RTL1: variants seen among roughly 807,000 people sequenced by gnomAD.
The protein encoded by RTL1 is retrotransposon-like protein 1.
For synonymous variants in RTL1, 727 were observed against 748.4 expected, an observed-to-expected ratio of 0.97 and a Z score of 0.47; for missense variants, 1,681 against 1,767.5, an observed-to-expected ratio of 0.95 and a Z score of 0.88.
In RTL1 at chr14:100,883,072, C is replaced by G. The variant is rs2038641783; in HGVS notation, c.1717G>C (p.Asp573His). The G allele has an allele frequency of 3.1e-6, 5 of 1,614,116 alleles. No individual in the cohort carries two copies. The highest frequency in any genetic ancestry group is 4.2e-6 in the Non-Finnish European group (5 of 1,180,026). ...GAGCTTGGCTGGTCGGAAGTCTCAT[C>G]ATCTGCTTCCTTCGGGTTAAACACG... is the stretch of plus-strand genomic sequence containing the variant. ...ADVFNPKEADDETSDQPSSDG... is the reference protein window; with the variant it reads ...ADVFNPKEADHETSDQPSSDG... The change falls in exon 4 of 4, where the codon GAT becomes CAT. Residue 573 changes from aspartate (D) to histidine (H), a missense_variant. Physicochemically the swap from Asp to His is moderately conservative, Grantham distance 81. Transcript: ENST00000649591. The surrounding 1 kb of genome is among the most constrained non-coding windows in gnomAD (Gnocchi z 5.9).
chr14:100,899,851 C>G (rs983104326), intron 2 of RTL1, among the ~76,000 whole-genome samples: 1 of 152,220 alleles, frequency 6.6e-6, no homozygotes, highest in Non-Finnish European at 1.5e-5. Context: ...CCATCTTACC[C>G]CGTCATGAAA....
intron 2 of RTL1, among the ~76,000 whole-genome samples, chr14:100,896,669 G>A (rs563418284): frequency 2.0e-5 from 3 of 152,068 alleles, no homozygotes; most frequent in African/African-American, 7.2e-5. Flanking sequence ...GTGGGCAAAG[G>A]TTGCTTCCCG....
At chr14:100,894,698 G>C (rs1015875671) in intron 2 of RTL1, 2 of 152,332 alleles carry the variant, frequency 1.3e-5, no homozygotes, top group African/African-American at 4.8e-5. Context: ...TGCCCTCCCA[G>C]GTGGCGTGAA....
At position 100,882,518 on chromosome 14, in the gene RTL1, G is replaced by A; in HGVS notation, c.2271C>T (p.Arg757=). 4 of 1,551,922 alleles carry A rather than the reference G, an allele frequency of 2.6e-6. No individual in the cohort carries two copies. In the East Asian group the frequency reaches 7.3e-5, roughly 28 times the overall value. Residue 757 remains arginine (R), a synonymous_variant, in exon 4 of 4, where the codon CGC becomes CGT. Transcript: ENST00000649591. The part of the protein sequence containing the change: ...HHVRQVLVRF[R]HHNVYCSLDK... ...CCAGGGAGCAGTAGACGTTGTGATG[G>A]CGGAAGCGGACCAGGACTTGGCGGA...
intron 3 of RTL1, among the ~76,000 whole-genome samples, chr14:100,892,499 T>A (rs1325880573): frequency 1.3e-5 from 2 of 152,248 alleles, no homozygotes; most frequent in African/African-American, 2.4e-5. Flanking sequence ...CGACTGTTAC[T>A]TCCAGAACAC....
chr14:100,880,714 A>C lies in RTL1; in HGVS notation c.4075T>G (p.Ter1359GlyextTer46). The change falls in exon 4 of 4, where the codon TGA becomes GGA. Residue 1359 changes from the stop codon to glycine (G), a stop_lost. Transcript: ENST00000649591. ...PDEDEDANLD* is the reference protein window; with the variant it reads ...PDEDEDANLDG ...TTGCTGGAGACAGGGAGGCGTCTTC[A>C]GTCGAGGTTAGCATCTTCGTCCTCA... 1 of 1,550,856 alleles carries C rather than the reference A, an allele frequency of 6.4e-7. No homozygotes were observed. Among genetic ancestry groups the C allele is most frequent in the Non-Finnish European group, 8.7e-7 (1 of 1,146,946 alleles).
intron 2 of RTL1, among the ~76,000 whole-genome samples, chr14:100,895,485 G>C (rs921470275): frequency 2.0e-5 from 3 of 152,156 alleles, no homozygotes; most frequent in African/African-American, 7.2e-5. Context: ...CTCAACACAT[G>C]TAGAAAAGGC....
intron 2 of RTL1, among the ~76,000 whole-genome samples, chr14:100,900,446 G>C (rs2092964): frequency 0.84 from 127,383 of 151,948 alleles, 53,696 homozygotes; most frequent in East Asian, 0.99. Context: ...CGTGAGCCTG[G>C]TCAGGCACAT....
chr14:100,884,125 G>GT lies in RTL1; in HGVS notation c.663dup (p.Leu222ThrfsTer12). ...ATTCTTGGGTAGCTCTGTAAGGTCAGTTGGCAGAGTACGATGAACTCGTGG... is the reference window on the plus strand; with the variant it reads ...ATTCTTGGGTAGCTCTGTAAGGTCAGTTTGGCAGAGTACGATGAACTCGTGG... On this transcript the variant is annotated frameshift_variant, in exon 4 of 4. Transcript: ENST00000649591. LOFTEE classifies it low-confidence loss of function (END_TRUNC). 6.4e-7 allele frequency: 1 copy of GT among 1,551,742 alleles called. No homozygotes were observed. Among genetic ancestry groups the GT allele is most frequent in the Non-Finnish European group, 8.7e-7 (1 of 1,147,012 alleles).
At position 100,883,505 on chromosome 14, in the gene RTL1, C is replaced by T; in HGVS notation, c.1284G>A (p.Leu428=). The change falls in exon 4 of 4, where the codon CTG becomes CTA. Residue 428 remains leucine (L), a synonymous_variant. Transcript: ENST00000649591. The surrounding 1 kb of genome is among the most constrained non-coding windows in gnomAD (Gnocchi z 5.9). ...NPYHSVAVQA[L]VDSGADGNFM... ...AGTTGCCGTCAGCTCCCGAATCCACCAGGGCCTGGACCGCGACGCTGTGGT... is the reference window on the plus strand; with the variant it reads ...AGTTGCCGTCAGCTCCCGAATCCACTAGGGCCTGGACCGCGACGCTGTGGT... The T allele has an allele frequency of 1.9e-6, 3 of 1,551,504 alleles. No homozygotes were observed. Among genetic ancestry groups the T allele is most frequent in the Non-Finnish European group, 1.7e-6 (2 of 1,146,990 alleles).
Position 100,882,473 on chromosome 14 carries a change from G to A in RTL1, c.2316C>T (p.Arg772=), listed in dbSNP as rs576536762. Residue 772 remains arginine (R), a synonymous_variant, in exon 4 of 4, where the codon CGC becomes CGT. Coordinates refer to ENST00000649591, the MANE Select transcript of RTL1 (RefSeq NM_001134888.3). ...YCSLDKSQFH[R]QTVEFLGFVV... ...CGAAGCCCAGGAATTCCACGGTTTG[G>A]CGGTGGAACTGGCTCTTGTCCAGGG... The A allele has an allele frequency of 4.6e-5, 71 of 1,552,108 alleles. No individual in the cohort carries two copies. The African/African-American group carries it at 7.9e-4, about 17-fold the overall frequency.
At chr14:100,888,987 C>T (rs914944541) in intron 3 of RTL1, among the ~76,000 whole-genome samples, 1 of 152,090 alleles carries the variant, frequency 6.6e-6, no homozygotes, top group Admixed American at 6.5e-5. Context: ...TTCCTTGTTG[C>T]TTGTAATGTG....
At chr14:100,895,704 A>G (rs763852278) in intron 2 of RTL1, among the ~76,000 whole-genome samples, 5 of 152,122 alleles carry the variant, frequency 3.3e-5, no homozygotes, top group African/African-American at 4.8e-5. Flanking sequence ...AGTGTCTCCA[A>G]GTGGGGCTAC....
chr14:100,894,840 A>C (rs1343263877), intron 2 of RTL1: 3 of 152,276 alleles, frequency 2.0e-5, no homozygotes, highest in African/African-American at 7.2e-5. Flanking sequence ...GATTCTTTAG[A>C]ATAGAACTAA....
chr14:100,902,940 C>G (rs2038962717), intron 2 of RTL1, among the ~76,000 whole-genome samples: 1 of 152,128 alleles, frequency 6.6e-6, no homozygotes, highest in South Asian at 2.1e-4. Context: ...GCTCCCAATA[C>G]AAACGGGAAC....
chr14:100,880,541 T>C lies in RTL1; in HGVS notation c.*171A>G, dbSNP rs1266038785. The stretch of plus-strand genomic sequence containing the variant: ...GGTAGTCCGTTAGCACAGGTGGCAT[T>C]GCTGGTTGATGAGTTGAAGAAGTTG... On this transcript the variant is annotated 3_prime_UTR_variant, in exon 4 of 4. Transcript: ENST00000649591. 1.2e-5 allele frequency: 16 copies of C among 1,327,340 alleles called. No individual in the cohort carries two copies. Among genetic ancestry groups the C allele is most frequent in the Non-Finnish European group, 1.6e-5 (16 of 996,958 alleles). The allele number at this position is 1,327,340 out of a possible 1,614,324, so 82.2% of individuals were successfully genotyped here.
chr14:100,889,742 A>G (rs902360417), intron 3 of RTL1: 3 of 152,160 alleles, frequency 2.0e-5, no homozygotes, highest in South Asian at 4.1e-4. Flanking sequence ...CCTGGAGACG[A>G]ATACCCCACT....
In RTL1 at chr14:100,883,250, G is replaced by A. The variant is rs765030526; in HGVS notation, c.1539C>T (p.Ala513=). ...GGCCTTTGATCCAGTCGACTTCGGG[G>A]GCGTGGACTCGGAGCCAGCGGATGC... The part of the protein sequence containing the change: ...VLGIRWLRVH[A]PEVDWIKGRC... Residue 513 remains alanine, a synonymous_variant, in exon 4 of 4, where the codon GCC becomes GCT. Transcript: ENST00000649591. The surrounding 1 kb of genome is among the most constrained non-coding windows in gnomAD (Gnocchi z 5.9). 13 of 1,551,454 alleles carry A rather than the reference G, an allele frequency of 8.4e-6. No homozygotes were observed. The highest frequency in any genetic ancestry group is 1.4e-5 in the African/African-American group (1 of 73,002).
intron 2 of RTL1, among the ~76,000 whole-genome samples, chr14:100,896,507 G>C (rs1050267097): frequency 2.6e-5 from 4 of 152,034 alleles, no homozygotes; most frequent in Non-Finnish European, 4.4e-5. Flanking sequence ...TCACATCCTT[G>C]TCACACAAGT....
Sources: allele counts gnomAD v4.1 joint callset (sites outside exome capture counted in the v4.1 genomes callset), GRCh38; gene constraint gnomAD v4.1.1; non-coding constraint Gnocchi (gnomAD v3.1); transcripts MANE v1.5; gene names NCBI Gene and HGNC (gene_info 2026-07-23, HGNC 2026-07-21).